Variants in KLHL11 observed in about 807,000 individuals in gnomAD.
KLHL11 encodes kelch like family member 11.
KLHL11 carries 26 observed loss-of-function variants against 56.1 expected under a neutral mutation model. The observed-to-expected ratio is 0.46, with a 90% confidence interval of 0.34 to 0.64. The LOEUF (loss-of-function observed/expected upper bound fraction) is 0.64, where lower values mean the gene tolerates loss of function less well. Ranked by LOEUF, KLHL11 falls within the 30% of genes least tolerant of loss-of-function variation. KLHL11 has a pLI of 0.01. For synonymous variants in KLHL11, 338 were observed against 345.8 expected, an observed-to-expected ratio of 0.98 and a Z score of 0.25; for missense variants, 627 against 919.4, an observed-to-expected ratio of 0.68 and a Z score of 4.11.
At chr17:41,863,504 C>T (rs1555623259) in intron 1 of KLHL11, among the ~76,000 whole-genome samples, 1 of 152,146 alleles carries the variant, frequency 6.6e-6, no homozygotes, top group Non-Finnish European at 1.5e-5. Flanking sequence ...CCGCCACATC[C>T]TTTTTTCAGC....
At position 41,849,734 on chromosome 17, in the gene KLHL11, A is replaced by C. The variant is rs1369567272; in HGVS notation, c.*4006T>G. On this transcript the variant is annotated 3_prime_UTR_variant, in exon 2 of 2. Transcript: ENST00000319121. Reference sequence around the variant, plus strand: ...AACATCATGATACACAAGACTAATCATGCAAACAACTGTAAGTGGGATGTG... The same window carrying C: ...AACATCATGATACACAAGACTAATCCTGCAAACAACTGTAAGTGGGATGTG... 1 of 152,196 alleles carries C rather than the reference A, an allele frequency of 6.6e-6. No individual in the cohort carries two copies. The highest frequency in any genetic ancestry group is 1.5e-5 in the Non-Finnish European group (1 of 68,018). 9.4% of individuals were successfully genotyped at this position (152,196 alleles called of 1,614,324 possible).
At chr17:41,863,236 G>T (rs2048416339) in intron 1 of KLHL11, among the ~76,000 whole-genome samples, 2 of 150,408 alleles carry the variant, frequency 1.3e-5, no homozygotes, top group African/African-American at 2.4e-5. Flanking sequence ...TGTCCGCCAG[G>T]CTGGAGTAGA....
Position 41,850,908 on chromosome 17 carries a change from T to G in KLHL11, c.*2832A>C, listed in dbSNP as rs907845735. The stretch of plus-strand genomic sequence containing the variant: ...CTTTTCACCTAGGCAGGGATACTAA[T>G]TTAAAAATTTCAAGTTCTTAGTATA... On this transcript the variant is annotated 3_prime_UTR_variant, in exon 2 of 2. Coordinates refer to ENST00000319121, the MANE Select transcript of KLHL11 (RefSeq NM_018143.3). 6.6e-6 allele frequency: 1 copy of G among 152,196 alleles called. No homozygotes were observed. Among genetic ancestry groups the G allele is most frequent in the Non-Finnish European group, 1.5e-5 (1 of 68,034 alleles). The allele number at this position is 152,196 out of a possible 1,614,324, so 9.4% of individuals were successfully genotyped here.
Position 41,864,567 on chromosome 17 carries a change from G to A in KLHL11, c.545+259C>T, listed in dbSNP as rs1449079539. On this transcript the variant is annotated intron_variant, in intron 1 of 1. Coordinates refer to ENST00000319121, the MANE Select transcript of KLHL11 (RefSeq NM_018143.3). ...GTCAGCACAACAGTTACCACATACTGACTTTCCTTTTCATCACTTTTGTCC... is the reference window on the plus strand; with the variant it reads ...GTCAGCACAACAGTTACCACATACTAACTTTCCTTTTCATCACTTTTGTCC... Among the ~76,000 whole-genome samples the A allele has an allele frequency of 2.0e-5, 3 of 152,368 alleles. No homozygotes were observed. The East Asian group carries it at 5.8e-4, about 29-fold the overall frequency.
rs782302327 is a variant in KLHL11 at position 41,865,158 on chromosome 17, G to A, written c.213C>T (p.Phe71=). 6.2e-7 allele frequency: 1 copy of A among 1,609,820 alleles called. No individual in the cohort carries two copies. Among genetic ancestry groups the A allele is most frequent in the Non-Finnish European group, 8.5e-7 (1 of 1,178,890 alleles). The change falls in exon 1 of 2, where the codon TTC becomes TTT. Residue 71 remains phenylalanine (F), a synonymous_variant. Coordinates refer to ENST00000319121, the MANE Select transcript of KLHL11 (RefSeq NM_018143.3). ...GCTCTGAGCAGTGAGAGCTGCACTCGAAATCCTCGGCTTCTGGGCCCGGAT... is the reference window on the plus strand; with the variant it reads ...GCTCTGAGCAGTGAGAGCTGCACTCAAAATCCTCGGCTTCTGGGCCCGGAT... ...GGDPGPEAED[F]ECSSHCSELS... is the part of the protein sequence containing the mutation.
In KLHL11 at chr17:41,865,003, G is replaced by GT. The variant is rs781865095; in HGVS notation, c.367dup (p.Thr123AsnfsTer88). On this transcript the variant is annotated frameshift_variant, in exon 1 of 2. Transcript: ENST00000319121. LOFTEE classifies it high-confidence loss of function. The stretch of plus-strand genomic sequence containing the variant: ...GGAAAACTGGCCCGAGAGCAGGGGC[G>GT]TGAAGTACTCGGTGGCGGCAGCCAG... The GT allele has an allele frequency of 1.2e-6, 2 of 1,605,186 alleles. No individual in the cohort carries two copies.
chr17:41,865,213 C>T lies in KLHL11; in HGVS notation c.158G>A (p.Gly53Glu). 6.2e-7 allele frequency: 1 copy of T among 1,605,358 alleles called. No homozygotes were observed. The highest frequency in any genetic ancestry group is 8.5e-7 in the Non-Finnish European group (1 of 1,177,182). The change falls in exon 1 of 2, where the codon GGG (glycine) becomes GAG (glutamate). Residue 53 changes from glycine (G) to glutamate (E), a missense_variant. Coordinates refer to ENST00000319121, the MANE Select transcript of KLHL11 (RefSeq NM_018143.3). ...CCCGCTCGCCTCCATTGCAGAGATC[C>T]CCGGCCCAGGCCCGAAGTCCACCGT... is the stretch of plus-strand genomic sequence containing the variant. ...SGTVDFGPGP[G>E]ISAMEASGGD...
In KLHL11 at chr17:41,865,332, G is replaced by GGCCGCCGCC. The variant is rs540223512; in HGVS notation, c.30_38dup (p.Ala14_Ala16dup). The stretch of plus-strand genomic sequence containing the variant: ...CCAGTACCTGAAGAGATGCAGCCGC[G>GGCCGCCGCC]GCCGCCGCCGCCGCCGCCGCCACTG... On this transcript the variant is annotated inframe_insertion, in exon 1 of 2. Transcript: ENST00000319121. 65 of 1,442,322 alleles carry GGCCGCCGCC rather than the reference G, an allele frequency of 4.5e-5. No homozygotes were observed. The highest frequency in any genetic ancestry group is 2.4e-4 in the Admixed American group (8 of 33,334). 89.3% of individuals were successfully genotyped at this position (1,442,322 alleles called of 1,614,324 possible).
rs2048432611 is a variant in KLHL11 at position 41,865,232 on chromosome 17, C to T, written c.139G>A (p.Asp47Asn). The T allele has an allele frequency of 6.3e-7, 1 of 1,597,776 alleles. No individual in the cohort carries two copies. ...GAGATCCCCGGCCCAGGCCCGAAGT[C>T]CACCGTGCCGCTGCCTCGGACCTCG... ...AAEVRGSGTV[D>N]FGPGPGISAM... Residue 47 changes from aspartate to asparagine, a missense_variant, in exon 1 of 2, where the codon GAC becomes AAC. By Grantham distance (23) the Asp-to-Asn change is conservative. Around this residue, in one of 4 missense-constraint regions of KLHL11, gnomAD observed 121 missense variants for 116.2 expected, o/e 1.04. Coordinates refer to ENST00000319121, the MANE Select transcript of KLHL11 (RefSeq NM_018143.3).
chr17:41,863,384 CAG>C (rs1265708958), intron 1 of KLHL11, among the ~76,000 whole-genome samples: 2 of 151,916 alleles, frequency 1.3e-5, no homozygotes, highest in Non-Finnish European at 2.9e-5. Flanking sequence ...TTAGTAGAGA[CAG>C]GGGTTTCACA....
intron 1 of KLHL11, among the ~76,000 whole-genome samples, chr17:41,863,274 T>TCAGCCTCCCACCTCC (rs2048416603): frequency 6.7e-6 from 1 of 149,998 alleles, no homozygotes; most frequent in South Asian, 2.1e-4. Context: ...TACTGCAACC[T>TCAGCCTCCCACCTCC]CAGCCTCCCA....
In KLHL11 at chr17:41,850,965, CCAAAATTT is replaced by C. The variant is rs1439984598; in HGVS notation, c.*2767_*2774del. 6.6e-5 allele frequency: 10 copies of C among 152,000 alleles called. No individual in the cohort carries two copies. The highest frequency in any genetic ancestry group is 2.4e-4 in the African/African-American group (10 of 41,368). The allele number at this position is 152,000 out of a possible 1,614,324, so 9.4% of individuals were successfully genotyped here. A position where few individuals can be genotyped will look rare whatever the true frequency, so the allele number is the denominator to read the frequency against. Reference sequence around the variant, plus strand: ...AAGACCTACAACTTGCAGCAAATAGCCAAAATTTCTGGTTGTGCTTTTCTCTTTTGGTA... The same window carrying C: ...AAGACCTACAACTTGCAGCAAATAGCCTGGTTGTGCTTTTCTCTTTTGGTA... On this transcript the variant is annotated 3_prime_UTR_variant, in exon 2 of 2. Coordinates refer to ENST00000319121, the MANE Select transcript of KLHL11 (RefSeq NM_018143.3).
chr17:41,856,499 T>A (rs2048367425), intron 1 of KLHL11, among the ~76,000 whole-genome samples: 1 of 152,046 alleles, frequency 6.6e-6, no homozygotes, highest in Non-Finnish European at 1.5e-5. Flanking sequence ...TAGATTAATC[T>A]CACTTTACAC....
chr17:41,851,948 A>G lies in KLHL11; in HGVS notation c.*1792T>C, dbSNP rs958696446. 9.2e-5 allele frequency among the ~76,000 whole-genome samples: 14 copies of G among 152,080 alleles called. No homozygotes were observed. The highest frequency in any genetic ancestry group is 1.9e-4 in the Non-Finnish European group (13 of 68,010). On this transcript the variant is annotated 3_prime_UTR_variant, in exon 2 of 2. Coordinates refer to ENST00000319121, the MANE Select transcript of KLHL11 (RefSeq NM_018143.3). Reference sequence around the variant, plus strand: ...AAAAAAAAAGTCAATTTGAGTGCTAACTTTTATAAAGCTCAGGAGACATAA... The same window carrying G: ...AAAAAAAAAGTCAATTTGAGTGCTAGCTTTTATAAAGCTCAGGAGACATAA...
chr17:41,862,205 CA>C (rs1200823189), intron 1 of KLHL11, among the ~76,000 whole-genome samples: 3 of 152,106 alleles, frequency 2.0e-5, no homozygotes, highest in Admixed American at 6.6e-5. Flanking sequence ...TCTCCTGCCT[CA>C]GCCTCCTGAG....
intron 1 of KLHL11, among the ~76,000 whole-genome samples, chr17:41,863,095 A>G (rs942510027): frequency 3.3e-5 from 5 of 151,506 alleles, no homozygotes; most frequent in African/African-American, 1.2e-4. Flanking sequence ...TCCCTCCTCA[A>G]TCGAAGCCTC....
rs1555623391 is a variant in KLHL11 at position 41,864,972 on chromosome 17, G to C, written c.399C>G (p.Ser133=). 6.2e-7 allele frequency: 1 copy of C among 1,610,996 alleles called. No individual in the cohort carries two copies. Among genetic ancestry groups the C allele is most frequent in the East Asian group, 2.2e-5 (1 of 44,730 alleles). The change falls in exon 1 of 2, where the codon TCC becomes TCG. Residue 133 remains serine, a synonymous_variant. Coordinates refer to ENST00000319121, the MANE Select transcript of KLHL11 (RefSeq NM_018143.3). ...TGCGCATCTCCACCCGTCCCGAGCGGGACTCGGAAAACTGGCCCGAGAGCA... is the reference window on the plus strand; with the variant it reads ...TGCGCATCTCCACCCGTCCCGAGCGCGACTCGGAAAACTGGCCCGAGAGCA... ...TPLLSGQFSE[S]RSGRVEMRKW...
chr17:41,856,105 C>G (rs2048364691), intron 1 of KLHL11, among the ~76,000 whole-genome samples: 1 of 152,064 alleles, frequency 6.6e-6, no homozygotes, highest in African/African-American at 2.4e-5. Context: ...ATTCTCCTTC[C>G]TCAGCCTCCC....
chr17:41,856,210 C>T (rs560732347), intron 1 of KLHL11, among the ~76,000 whole-genome samples: 49 of 152,174 alleles, frequency 3.2e-4, no homozygotes, highest in Non-Finnish European at 5.3e-4. Context: ...AGGCTGGTCT[C>T]GAACTCCTGA....
Sources: allele counts gnomAD v4.1 joint callset (sites outside exome capture counted in the v4.1 genomes callset), GRCh38; gene constraint gnomAD v4.1.1; regional missense constraint gnomAD v4.1.1; transcripts MANE v1.5; gene names NCBI Gene and HGNC (gene_info 2026-07-23, HGNC 2026-07-21).